EFNA5: variants seen among roughly 807,000 people sequenced by gnomAD.
EFNA5 encodes ephrin-A5.
Under a neutral mutation model 22.9 loss-of-function variants are expected in EFNA5, and 5 were observed. The ratio of observed to expected loss-of-function variants is 0.22; its 90% CI spans 0.11 to 0.46. The LOEUF (loss-of-function observed/expected upper bound fraction) is 0.46. Ranked by LOEUF, EFNA5 falls within the 20% of genes least tolerant of loss-of-function variation. EFNA5 has a pLI of 0.99. For missense variants in EFNA5, 237 were observed against 293.3 expected (o/e 0.81, Z 1.40); for synonymous variants, 113 against 112.2 (o/e 1.01, Z -0.04).
At chr5:107,603,193 A>T (rs1382135537) in intron 1 of EFNA5, among the ~76,000 whole-genome samples, 1 of 152,318 alleles carries the variant, frequency 6.6e-6, no homozygotes, top group East Asian at 1.9e-4. Flanking sequence ...TCCTTCCTGG[A>T]CACTCTAGAT....
chr5:107,572,863 G>T (rs557958795), intron 1 of EFNA5, among the ~76,000 whole-genome samples: 3 of 152,034 alleles, frequency 2.0e-5, no homozygotes, highest in Non-Finnish European at 4.4e-5. Context: ...AGATCAGCCC[G>T]CTGTCCCTTA....
Position 107,670,671 on chromosome 5 carries a change from C to CGGCG in EFNA5, c.-59_-58insCGCC. On this transcript the variant is annotated 5_prime_UTR_variant, in exon 1 of 5. Coordinates refer to ENST00000333274, the MANE Select transcript of EFNA5 (RefSeq NM_001962.3). ...CCACTCCGGGGAGAGAGCGGGGATCCGGAGGGAGGGAGGCAGGCAAAGGGA... is the reference window on the plus strand; with the variant it reads ...CCACTCCGGGGAGAGAGCGGGGATCCGGCGGGAGGGAGGGAGGCAGGCAAAGGGA... The CGGCG allele has an allele frequency of 1.9e-6, 3 of 1,571,354 alleles. No individual in the cohort carries two copies. The highest frequency in any genetic ancestry group is 1.7e-6 in the Non-Finnish European group (2 of 1,159,660).
At chr5:107,550,675 C>G (rs555382569) in intron 1 of EFNA5, among the ~76,000 whole-genome samples, 3 of 152,104 alleles carry the variant, frequency 2.0e-5, no homozygotes, top group Non-Finnish European at 2.9e-5. Context: ...CCAAAGAATA[C>G]CAAACTTTGT....
At chr5:107,511,090 G>A (rs764085379) in intron 1 of EFNA5, among the ~76,000 whole-genome samples, 1 of 148,626 alleles carries the variant, frequency 6.7e-6, no homozygotes, top group Non-Finnish European at 1.5e-5. Flanking sequence ...GCAATGGCAC[G>A]ATCTTGGCTC....
Position 107,381,198 on chromosome 5 carries a change from T to G in EFNA5, c.*57A>C. ...TTCTTAGGATGAGCAGTTAGGTGGA[T>G]CTCTGGTGTTCCAAGACCCTGATGT... On this transcript the variant is annotated 3_prime_UTR_variant, in exon 5 of 5. Coordinates refer to ENST00000333274, the MANE Select transcript of EFNA5 (RefSeq NM_001962.3). 1 of 1,559,722 alleles carries G rather than the reference T, an allele frequency of 6.4e-7. No homozygotes were observed. Among genetic ancestry groups the G allele is most frequent in the Non-Finnish European group, 8.8e-7 (1 of 1,141,740 alleles).
At chr5:107,666,384 C>T (rs1751067076) in intron 1 of EFNA5, among the ~76,000 whole-genome samples, 1 of 152,200 alleles carries the variant, frequency 6.6e-6, no homozygotes, top group Middle Eastern at 3.4e-3. Context: ...TGCCAGAGGA[C>T]TTGGGAGTGT....
chr5:107,544,200 T>C (rs1748103860), intron 1 of EFNA5, among the ~76,000 whole-genome samples: 1 of 152,084 alleles, frequency 6.6e-6, no homozygotes, highest in Non-Finnish European at 1.5e-5. Flanking sequence ...GCAATAAGGA[T>C]CTCCCTCCTA....
rs142921156 is a variant in EFNA5, at chr5:107,463,882, C to A, written c.126-36373G>T. Among the ~76,000 whole-genome samples the A allele has an allele frequency of 2.0e-4, 31 of 152,236 alleles. 1 individual carries two copies. The East Asian group carries it at 6.0e-3, about 29-fold the overall frequency. ...AATGTTGACTCCAAAGGCATGAAGT[C>A]ACACTCACCGAGCTGCATCTAAGTA... is the stretch of plus-strand genomic sequence containing the variant. On this transcript the variant is annotated intron_variant, in intron 1 of 4. Transcript: ENST00000333274.
intron 1 of EFNA5, among the ~76,000 whole-genome samples, chr5:107,440,489 T>C (rs1749227207): frequency 6.6e-6 from 1 of 152,200 alleles, no homozygotes; most frequent in East Asian, 1.9e-4. Flanking sequence ...GAGCCACTTG[T>C]GTGGACTGCA....
chr5:107,553,584 C>A lies in EFNA5; in HGVS notation c.125+116905G>T, dbSNP rs139843516. ...AGGAGACCTTGACCTTGAACAGAAG[C>A]TCTTACTGGACTAACATAGCCTGCT... On this transcript the variant is annotated intron_variant, in intron 1 of 4. Coordinates refer to ENST00000333274, the MANE Select transcript of EFNA5 (RefSeq NM_001962.3). Among the ~76,000 whole-genome samples, 4 of 152,296 alleles carry A rather than the reference C, an allele frequency of 2.6e-5. No individual in the cohort carries two copies. In the East Asian group the frequency reaches 7.7e-4, roughly 29 times the overall value.
intron 2 of EFNA5, among the ~76,000 whole-genome samples, chr5:107,397,744 T>G (rs571808755): frequency 1.3e-5 from 2 of 152,258 alleles, no homozygotes; most frequent in African/African-American, 4.8e-5. Flanking sequence ...CTGAACAAAT[T>G]AACGTTCTCT....
chr5:107,517,103 A>G (rs889418840), intron 1 of EFNA5, among the ~76,000 whole-genome samples: 10 of 151,970 alleles, frequency 6.6e-5, no homozygotes, highest in African/African-American at 1.7e-4. Flanking sequence ...TTGATTGTAC[A>G]TTTACACCTC....
intron 2 of EFNA5, among the ~76,000 whole-genome samples, chr5:107,424,463 G>A (rs530999651): frequency 7.3e-5 from 11 of 150,088 alleles, no homozygotes; most frequent in African/African-American, 2.7e-4. Context: ...TGATCCACCC[G>A]CCTCGGCCTC....
chr5:107,580,114 T>C (rs936642970), intron 1 of EFNA5, among the ~76,000 whole-genome samples: 4 of 152,186 alleles, frequency 2.6e-5, no homozygotes, highest in Admixed American at 2.0e-4. Flanking sequence ...CAAGTCTATA[T>C]AGCTGCACAC....
intron 1 of EFNA5, among the ~76,000 whole-genome samples, chr5:107,545,414 G>A (rs955601293): frequency 6.6e-6 from 1 of 152,234 alleles, no homozygotes; most frequent in Non-Finnish European, 1.5e-5. Context: ...GACTGCAGGA[G>A]TGAAACAGAG....
chr5:107,653,973 T>C (rs1750780375), intron 1 of EFNA5, among the ~76,000 whole-genome samples: 3 of 152,176 alleles, frequency 2.0e-5, no homozygotes, highest in Admixed American at 2.0e-4. Flanking sequence ...CCAGGTCTTA[T>C]GTATACTATT....
intron 4 of EFNA5, among the ~76,000 whole-genome samples, chr5:107,381,727 A>C (rs1200055936): frequency 6.6e-6 from 1 of 151,836 alleles, no homozygotes; most frequent in East Asian, 1.9e-4. Context: ...AAGATGTCAC[A>C]GGCAAGCAAG....
At chr5:107,534,710 T>C (rs1478681652) in intron 1 of EFNA5, among the ~76,000 whole-genome samples, 1 of 152,152 alleles carries the variant, frequency 6.6e-6, no homozygotes, top group Non-Finnish European at 1.5e-5. Context: ...AGACCACATA[T>C]AAGGAGAACA....
intron 1 of EFNA5, among the ~76,000 whole-genome samples, chr5:107,530,251 G>A (rs1334070915): frequency 1.3e-5 from 2 of 152,220 alleles, no homozygotes; most frequent in Non-Finnish European, 2.9e-5. Context: ...TATCTTGAAA[G>A]TTGTACATGG....
Sources: gnomAD v4.1 joint callset for allele counts (sites outside exome capture counted in the v4.1 genomes callset) on GRCh38, gnomAD v4.1.1 for gene constraint, MANE v1.5 for transcripts, NCBI Gene and HGNC (gene_info 2026-07-23, HGNC 2026-07-21) for gene names.